HEATR4: variants seen among roughly 807,000 people sequenced by gnomAD.
HEATR4 encodes HEAT repeat-containing protein 4.
HEATR4 carries 95 observed loss-of-function variants against 108.8 expected under a neutral mutation model. That is an observed-to-expected ratio of 0.87 (90% CI 0.74 to 1.04). HEATR4 has a LOEUF of 1.04. Among genes scored for constraint, HEATR4 ranks in the 50% least tolerant of loss-of-function variants. The pLI is 0.00. For missense variants in HEATR4, 1,152 were observed against 1,253.8 expected, an observed-to-expected ratio of 0.92 and a Z score of 1.23; for synonymous variants, 443 against 459.4, an observed-to-expected ratio of 0.96 and a Z score of 0.46.
the HEATR4 span, chr14:73,574,533 GAT>G: frequency 2.5e-6 from 1 of 396,124 alleles, no homozygotes; most frequent in Non-Finnish European, 4.7e-6. Context: ...AAACTGTTGG[GAT>G]TACAGGCGTC....
intron 1 of HEATR4, chr14:73,537,013 T>C (rs1375550767): frequency 7.7e-6 from 1 of 129,210 alleles, no homozygotes; most frequent in Non-Finnish European, 1.5e-5. Flanking sequence ...AGACGGACTT[T>C]CGCTCTGTCG....
the HEATR4 span, chr14:73,592,397 C>A: frequency 6.5e-7 from 1 of 1,538,884 alleles, no homozygotes; most frequent in Non-Finnish European, 8.7e-7. Context: ...GGGTGCGCGC[C>A]ACGCTCTTCC....
At chr14:73,561,390 A>G (rs545771600), upstream of HEATR4, among the ~76,000 whole-genome samples, 1 of 151,876 alleles carries the variant, frequency 6.6e-6, no homozygotes, top group Admixed American at 6.6e-5. Context: ...AAAAAAAAAG[A>G]AAAAGGAATG....
chr14:73,555,203 G>A (rs1889377025), intron 1 of HEATR4, among the ~76,000 whole-genome samples: 2 of 111,238 alleles, frequency 1.8e-5, no homozygotes, highest in Admixed American at 1.0e-4. Flanking sequence ...CTACCTCAAG[G>A]CATATAATAA....
At chr14:73,488,891 A>G (rs1385367671) in intron 17 of HEATR4, among the ~76,000 whole-genome samples, 3 of 151,712 alleles carry the variant, frequency 2.0e-5, no homozygotes, top group African/African-American at 7.3e-5. Flanking sequence ...CGGTGGTAGC[A>G]GGTGCCTGTA....
At chr14:73,496,814 T>C (rs982970315) in intron 14 of HEATR4, 135 bp from the exon 15 acceptor site, 2 of 614,812 alleles carry the variant, frequency 3.3e-6, no homozygotes, top group Non-Finnish European at 5.8e-6. Context: ...CTGAGCCTTA[T>C]ATGCAAAAAT....
the HEATR4 span, among the ~76,000 whole-genome samples, chr14:73,591,191 G>T: frequency 6.6e-6 from 1 of 152,172 alleles, no homozygotes; most frequent in Non-Finnish European, 1.5e-5. Flanking sequence ...AGGCTGCAGT[G>T]ACCTGTGATC....
At chr14:73,629,916 G>A in the HEATR4 span, among the ~76,000 whole-genome samples, 1 of 151,482 alleles carries the variant, frequency 6.6e-6, no homozygotes, top group African/African-American at 2.4e-5. Flanking sequence ...CAAAGTGCTG[G>A]GATTACAGAC....
At chr14:73,579,470 G>C in the HEATR4 span, among the ~76,000 whole-genome samples, 1 of 151,028 alleles carries the variant, frequency 6.6e-6, no homozygotes, top group African/African-American at 2.4e-5. Context: ...AGCTACTCGG[G>C]AGGCTGTGGC....
chr14:73,613,055 G>A, the HEATR4 span: 2 of 661,104 alleles, frequency 3.0e-6, no homozygotes, highest in Non-Finnish European at 4.7e-6. Flanking sequence ...GAATTTGGTC[G>A]AGCTCTGCGA....
At chr14:73,527,799 G>A (rs1203895817) in intron 2 of HEATR4, among the ~76,000 whole-genome samples, 3 of 151,824 alleles carry the variant, frequency 2.0e-5, no homozygotes, top group South Asian at 2.1e-4. Context: ...CCAACATGGC[G>A]AAACCCCATC....
intron 2 of HEATR4, among the ~76,000 whole-genome samples, chr14:73,527,726 C>G (rs1331635068): frequency 6.6e-6 from 1 of 151,870 alleles, no homozygotes; most frequent in African/African-American, 2.4e-5. Flanking sequence ...GCCTGTAATC[C>G]TAGCACTTTG....
chr14:73,507,767 G>A (rs1886946788), intron 9 of HEATR4, among the ~76,000 whole-genome samples: 1 of 151,954 alleles, frequency 6.6e-6, no homozygotes, highest in Non-Finnish European at 1.5e-5. Flanking sequence ...GTTTGAGACA[G>A]AGTCTTGCTC....
Position 73,498,303 on chromosome 14 carries a change from G to T in HEATR4, c.2398C>A (p.Leu800Ile), listed in dbSNP as rs759064666. ...TCATAGTGGATAGCCCAGAGCAGAA[G>T]ATCCGTCAGCTCGGGACTTACTTGC... ...IGQVSPELTD[L>I]LLWAIHYEES... is the part of the protein sequence containing the mutation. The change falls in exon 14 of 18, where the codon CTT (leucine) becomes ATT (isoleucine). Residue 800 changes from leucine to isoleucine, a missense_variant. Transcript: ENST00000553558. 1 of 1,611,852 alleles carries T rather than the reference G, an allele frequency of 6.2e-7. No individual in the cohort carries two copies. Among genetic ancestry groups the T allele is most frequent in the Non-Finnish European group, 8.5e-7 (1 of 1,178,382 alleles).
chr14:73,512,531 T>G (rs1351866473), intron 6 of HEATR4, among the ~76,000 whole-genome samples: 2 of 152,206 alleles, frequency 1.3e-5, no homozygotes, highest in African/African-American at 4.8e-5. Context: ...TACTTAACCC[T>G]GAGCCTGAGA....
intron 14 of HEATR4, among the ~76,000 whole-genome samples, chr14:73,497,506 G>A (rs968077355): frequency 3.3e-5 from 5 of 152,038 alleles, no homozygotes; most frequent in African/African-American, 4.8e-5. Context: ...TACCTTACAC[G>A]GGCTCACATA....
the HEATR4 span, among the ~76,000 whole-genome samples, chr14:73,601,332 G>C: frequency 1.3e-5 from 2 of 151,952 alleles, no homozygotes; most frequent in Non-Finnish European, 2.9e-5. Context: ...GGGAGGCTGA[G>C]GCGGACAGAT....
At chr14:73,537,038 C>A in intron 1 of HEATR4, 1 of 153,672 alleles carries the variant, frequency 6.5e-6, no homozygotes, top group Non-Finnish European at 1.2e-5. Context: ...GGCTGTAGTG[C>A]AGTGGCATGA....
chr14:73,619,642 G>A, the HEATR4 span: 3 of 1,614,178 alleles, frequency 1.9e-6, no homozygotes, highest in Middle Eastern at 1.6e-4. Flanking sequence ...CTGTTACCCA[G>A]AAACTGGTCA....
Sources: allele counts gnomAD v4.1 joint callset (sites outside exome capture counted in the v4.1 genomes callset), GRCh38; gene constraint gnomAD v4.1.1; transcripts MANE v1.5; gene names NCBI Gene and HGNC (gene_info 2026-07-23, HGNC 2026-07-21).